The following INPP4B variants were observed in gnomAD, a reference collection of about 807,000 sequenced individuals.
INPP4B encodes the protein inositol polyphosphate-4-phosphatase type II B.
Under a neutral mutation model 122.5 loss-of-function variants are expected in INPP4B, and 55 were observed. That is an observed-to-expected ratio of 0.45 (90% confidence interval 0.36 to 0.56). INPP4B has a LOEUF of 0.56. Ranked by LOEUF, INPP4B falls within the 20% of genes least tolerant of loss-of-function variation. INPP4B has a pLI of 0.00. For synonymous variants in INPP4B, 403 were observed against 388.7 expected (o/e 1.04, Z -0.43); for missense variants, 1,000 against 1,097.7 (o/e 0.91, Z 1.26).
intron 2 of INPP4B, among the ~76,000 whole-genome samples, chr4:142,471,813 T>C (rs996102680): frequency 1.3e-5 from 2 of 152,114 alleles, no homozygotes; most frequent in Non-Finnish European, 2.9e-5. Flanking sequence ...CTCTGTTCTT[T>C]AGGATTTTAG....
rs1033658306 is a variant in INPP4B, at chr4:142,025,586, TG to T, written c.*3195del. The T allele has an allele frequency of 3.0e-4, 46 of 152,268 alleles. No homozygotes were observed. The highest frequency in any genetic ancestry group is 1.0e-3 in the African/African-American group (43 of 41,540). The allele number at this position is 152,268 out of a possible 1,614,324, so 9.4% of individuals were successfully genotyped here. On this transcript the variant is annotated 3_prime_UTR_variant, in exon 26 of 26. Coordinates refer to ENST00000262992, the MANE Select transcript of INPP4B (RefSeq NM_001101669.3). ...TACATAGGGAGAGGTTTGATTTGCT[TG>T]GGAAGAAAGGCATTACTTTATACAC... is the stretch of plus-strand genomic sequence containing the variant.
chr4:142,559,358 T>C (rs148405220), intron 2 of INPP4B, among the ~76,000 whole-genome samples: 1 of 152,230 alleles, frequency 6.6e-6, no homozygotes, highest in East Asian at 1.9e-4. Flanking sequence ...ATTATTCAAA[T>C]TTAATTCTTA....
chr4:142,042,123 T>C (rs1296348541), intron 25 of INPP4B, among the ~76,000 whole-genome samples: 3 of 152,194 alleles, frequency 2.0e-5, no homozygotes, highest in Non-Finnish European at 4.4e-5. Context: ...CGTCACTTGT[T>C]CTCCTACTGT....
In INPP4B at chr4:142,232,311, G is replaced by A. The variant is rs188105533; in HGVS notation, c.836+5553C>T. Among the ~76,000 whole-genome samples, 553 of 152,106 alleles carry A rather than the reference G, an allele frequency of 3.6e-3. 1 individual carries two copies. Among genetic ancestry groups the A allele is most frequent in the Middle Eastern group, 0.01 (3 of 294 alleles). ...AGATTGGTGGCAATCCTTCGTGAAG[G>A]TCTACCAGCTCCATTTTTCCAACAG... On this transcript the variant is annotated intron_variant, in intron 12 of 25. Coordinates refer to ENST00000262992, the MANE Select transcript of INPP4B (RefSeq NM_001101669.3).
chr4:142,071,141 T>C (rs964131727), intron 25 of INPP4B, among the ~76,000 whole-genome samples: 16 of 152,122 alleles, frequency 1.1e-4, no homozygotes, highest in African/African-American at 3.6e-4. Flanking sequence ...AACAGAGATA[T>C]AGACCAATGG....
At chr4:142,306,065 T>C in intron 8 of INPP4B, 1 of 314,738 alleles carries the variant, frequency 3.2e-6, no homozygotes, top group Non-Finnish European at 4.6e-6. Context: ...GTTATTTCTT[T>C]ACTAGCATGG....
chr4:142,738,331 C>T (rs1023535334), intron 1 of INPP4B, among the ~76,000 whole-genome samples: 17 of 152,030 alleles, frequency 1.1e-4, no homozygotes, highest in Non-Finnish European at 2.4e-4. Flanking sequence ...AAGCTGGAAA[C>T]CATCATTCTC....
In INPP4B at chr4:142,089,437, CCACACACACACACA is replaced by C. The variant is rs36203495; in HGVS notation, c.2375-3195_2375-3182del. Among the ~76,000 whole-genome samples the C allele has an allele frequency of 2.3e-3, 324 of 141,602 alleles. 1 individual carries two copies. The highest frequency in any genetic ancestry group is 0.011 in the South Asian group (45 of 4,258). The allele number at this position is 141,602 out of a possible 152,430, so 92.9% of individuals were successfully genotyped here. A position where few individuals can be genotyped will look rare whatever the true frequency, so the allele number is the denominator to read the frequency against. ...ACAGAGTAGATTGTAGATGTTCTCA[CCACACACACACACA>C]CACACACACACACACACACACACAC... On this transcript the variant is annotated intron_variant, in intron 23 of 25. Transcript: ENST00000262992.
intron 1 of INPP4B, among the ~76,000 whole-genome samples, chr4:142,802,047 T>C (rs2151092173): frequency 6.6e-6 from 1 of 152,118 alleles, no homozygotes; most frequent in East Asian, 1.9e-4. Flanking sequence ...CTTGGTCACA[T>C]ACAGAAATGA....
chr4:142,842,541 C>A, intron 1 of INPP4B, among the ~76,000 whole-genome samples: 1 of 140,660 alleles, frequency 7.1e-6, no homozygotes, highest in South Asian at 2.2e-4. Flanking sequence ...ATAATATATA[C>A]AATATCTATT....
chr4:142,313,602 G>T (rs1012698736), intron 8 of INPP4B, among the ~76,000 whole-genome samples: 1 of 152,152 alleles, frequency 6.6e-6, no homozygotes, highest in Non-Finnish European at 1.5e-5. Flanking sequence ...GAGGTCTGAA[G>T]CTGGGGAGAA....
intron 2 of INPP4B, among the ~76,000 whole-genome samples, chr4:142,708,511 C>T (rs2150785171): frequency 6.6e-6 from 1 of 152,286 alleles, no homozygotes; most frequent in Non-Finnish European, 1.5e-5. Flanking sequence ...ACACTGCTGT[C>T]TGCATCCCAG....
At chr4:142,493,383 C>T (rs1223098348) in intron 2 of INPP4B, among the ~76,000 whole-genome samples, 4 of 152,086 alleles carry the variant, frequency 2.6e-5, no homozygotes, top group East Asian at 1.9e-4. Context: ...GTAGATCCAT[C>T]ACCACCTTGC....
At chr4:142,752,062 A>G (rs1308055071) in intron 1 of INPP4B, among the ~76,000 whole-genome samples, 1 of 152,074 alleles carries the variant, frequency 6.6e-6, no homozygotes, top group Non-Finnish European at 1.5e-5. Context: ...TGTAATATAT[A>G]AAGCTAAAAC....
At chr4:142,616,702 T>G (rs1432074965) in intron 2 of INPP4B, among the ~76,000 whole-genome samples, 1 of 152,136 alleles carries the variant, frequency 6.6e-6, no homozygotes, top group African/African-American at 2.4e-5. Flanking sequence ...TGTCCATTGA[T>G]GGATGACTGA....
intron 7 of INPP4B, among the ~76,000 whole-genome samples, chr4:142,333,803 T>C (rs988646986): frequency 2.6e-5 from 4 of 152,196 alleles, no homozygotes; most frequent in African/African-American, 9.7e-5. Context: ...GATGTATGTA[T>C]ACACTGTGCA....
chr4:142,716,093 T>C (rs1043744095), intron 2 of INPP4B, among the ~76,000 whole-genome samples: 1 of 152,172 alleles, frequency 6.6e-6, no homozygotes, highest in Non-Finnish European at 1.5e-5. Context: ...ATAGCATTAC[T>C]TCTCCAGTGC....
chr4:142,042,200 T>C (rs1353494751), intron 25 of INPP4B, among the ~76,000 whole-genome samples: 1 of 152,140 alleles, frequency 6.6e-6, no homozygotes, highest in Admixed American at 6.6e-5. Flanking sequence ...TCCTAATATA[T>C]CCATTTAGAC....
chr4:142,309,332 T>C (rs1292321007), intron 8 of INPP4B, among the ~76,000 whole-genome samples: 2 of 151,958 alleles, frequency 1.3e-5, no homozygotes, highest in African/African-American at 4.8e-5. Context: ...GGGGGAAATA[T>C]AACTTAGAAT....
Sources: gnomAD v4.1 joint callset for allele counts (sites outside exome capture counted in the v4.1 genomes callset) on GRCh38, gnomAD v4.1.1 for gene constraint, MANE v1.5 for transcripts, NCBI Gene and HGNC (gene_info 2026-07-23, HGNC 2026-07-21) for gene names.